The following PHF24 variants were observed in gnomAD, a reference collection of about 807,000 sequenced individuals.
The protein encoded by PHF24 is Galpha inhibitory interacting protein.
Under a neutral mutation model 42.6 loss-of-function variants are expected in PHF24, and 25 were observed. That is an observed-to-expected ratio of 0.59 (90% CI 0.43 to 0.82). The LOEUF (loss-of-function observed/expected upper bound fraction) is 0.82, where lower values mean the gene tolerates loss of function less well. PHF24 is among the 40% of genes least tolerant of loss of function. The probability of loss-of-function intolerance (pLI) is 0.00; values close to 1 mark genes in which losing one functional copy is unlikely to be tolerated. For missense variants in PHF24, 470 were observed against 538.1 expected (o/e 0.87, Z 1.25); for synonymous variants, 185 against 204.8 (o/e 0.90, Z 0.83).
At chr9:34,825,183 C>A in the PHF24 span, among the ~76,000 whole-genome samples, 1 of 151,856 alleles carries the variant, frequency 6.6e-6, no homozygotes, top group Non-Finnish European at 1.5e-5. Context: ...TCTGCTATGT[C>A]AAAGAGTCTG....
At chr9:34,703,650 T>C in the PHF24 span, among the ~76,000 whole-genome samples, 1 of 125,264 alleles carries the variant, frequency 8.0e-6, no homozygotes, top group East Asian at 2.0e-4. Flanking sequence ...AAGAGTTTTT[T>C]TGTAGGCTAC....
the PHF24 span, chr9:34,724,247 G>T: frequency 6.4e-7 from 1 of 1,551,488 alleles, no homozygotes; most frequent in Non-Finnish European, 8.7e-7. Flanking sequence ...GTCCCCACTG[G>T]GCTGTGAGAT....
chr9:34,974,240 A>G (rs1358919812), intron 3 of PHF24, among the ~76,000 whole-genome samples: 5 of 152,098 alleles, frequency 3.3e-5, no homozygotes, highest in Admixed American at 6.5e-5. Flanking sequence ...ATAATCTGAC[A>G]TCTGCATCCA....
At chr9:34,680,329 C>T in the PHF24 span, among the ~76,000 whole-genome samples, 24 of 151,730 alleles carry the variant, frequency 1.6e-4, no homozygotes, top group African/African-American at 5.6e-4. Flanking sequence ...GAGCCGAGAT[C>T]GCACCACTGC....
the PHF24 span, chr9:34,709,987 C>T: frequency 2.5e-6 from 4 of 1,614,126 alleles, no homozygotes; most frequent in South Asian, 1.1e-5. Flanking sequence ...AAGGCCCCTC[C>T]CTGCCTTGGT....
the PHF24 span, chr9:34,832,972 T>C: frequency 3.2e-5 from 49 of 1,551,728 alleles, no homozygotes; most frequent in African/African-American, 5.3e-4. Flanking sequence ...GGGGGCTGTG[T>C]TGACAGGGAT....
chr9:34,895,130 T>C, the PHF24 span: 5 of 398,448 alleles, frequency 1.3e-5, no homozygotes, highest in African/African-American at 1.0e-4. Flanking sequence ...CACCATTTTT[T>C]CCCATATCTA....
At position 34,972,775 on chromosome 9, in the gene PHF24, G is replaced by A. The variant is rs368833805; in HGVS notation, c.564+244G>A. Among the ~76,000 whole-genome samples the A allele has an allele frequency of 2.9e-3, 439 of 152,186 alleles. 4 individuals are homozygous for A. Among genetic ancestry groups the A allele is most frequent in the African/African-American group, 0.01 (425 of 41,512 alleles). ...CTAAAAATACAAAAATTAGCTGGGC[G>A]TGGTGGCACGCGCCTGTAGTCCCAG... On this transcript the variant is annotated intron_variant, in intron 3 of 7. Coordinates refer to ENST00000242315, the Ensembl canonical transcript of PHF24.
At chr9:34,797,190 C>T in the PHF24 span, among the ~76,000 whole-genome samples, 1 of 152,200 alleles carries the variant, frequency 6.6e-6, no homozygotes, top group Non-Finnish European at 1.5e-5. Flanking sequence ...AATGGGCAGG[C>T]TGTGGGGCTT....
the PHF24 span, among the ~76,000 whole-genome samples, chr9:34,843,329 C>G: frequency 7.2e-5 from 11 of 152,164 alleles, no homozygotes; most frequent in Non-Finnish European, 1.6e-4. Flanking sequence ...ACTGTATGAA[C>G]AATGCAAATC....
chr9:34,778,339 G>A, the PHF24 span, among the ~76,000 whole-genome samples: 1 of 152,076 alleles, frequency 6.6e-6, no homozygotes, highest in Non-Finnish European at 1.5e-5. Flanking sequence ...TGTCAGATTG[G>A]GTTACAAAAA....
At chr9:34,739,524 G>A in the PHF24 span, among the ~76,000 whole-genome samples, 1 of 152,184 alleles carries the variant, frequency 6.6e-6, no homozygotes, top group South Asian at 2.1e-4. Flanking sequence ...GAATGAAGCC[G>A]TGGAGGCTCA....
chr9:34,969,912 A>C (rs1826914431), intron 1 of PHF24, among the ~76,000 whole-genome samples: 1 of 152,162 alleles, frequency 6.6e-6, no homozygotes, highest in Non-Finnish European at 1.5e-5. Flanking sequence ...CCGCCTGTGC[A>C]TCCTTCAAGG....
At chr9:34,845,977 A>G in the PHF24 span, among the ~76,000 whole-genome samples, 16 of 152,100 alleles carry the variant, frequency 1.1e-4, no homozygotes, top group African/African-American at 3.1e-4. Context: ...TATGTGCCAC[A>G]TTTTCTTAAT....
chr9:34,857,697 T>C, the PHF24 span, among the ~76,000 whole-genome samples: 1 of 152,222 alleles, frequency 6.6e-6, no homozygotes, highest in Non-Finnish European at 1.5e-5. Context: ...GCCATTTTCA[T>C]TGCTCTTTGT....
chr9:34,942,867 G>A, the PHF24 span, among the ~76,000 whole-genome samples: 2 of 152,084 alleles, frequency 1.3e-5, no homozygotes, highest in Non-Finnish European at 1.5e-5. Context: ...GGGGCAGGGG[G>A]GAGGCATAGC....
the PHF24 span, among the ~76,000 whole-genome samples, chr9:34,671,427 G>A: frequency 6.6e-6 from 1 of 152,218 alleles, no homozygotes; most frequent in African/African-American, 2.4e-5. Flanking sequence ...CAGGAAAGCT[G>A]CCCAGGGCAG....
chr9:34,768,696 C>CTACCTGCTTATCT, the PHF24 span, among the ~76,000 whole-genome samples: 4 of 152,050 alleles, frequency 2.6e-5, no homozygotes, highest in Non-Finnish European at 5.9e-5. Flanking sequence ...CTTCTGGCCC[C>CTACCTGCTTATCT]GCTACCTGCT....
the PHF24 span, chr9:34,835,715 C>A: frequency 6.4e-7 from 1 of 1,551,304 alleles, no homozygotes; most frequent in South Asian, 1.2e-5. Flanking sequence ...GCCCAGTAAT[C>A]TTGTATGCCA....
Sources: gnomAD v4.1 joint callset for allele counts (sites outside exome capture counted in the v4.1 genomes callset) on GRCh38, gnomAD v4.1.1 for gene constraint, MANE v1.5 for transcripts, NCBI Gene and HGNC (gene_info 2026-07-23, HGNC 2026-07-21) for gene names.